Variants in RSU1 observed in about 807,000 individuals in gnomAD.
The protein encoded by RSU1 is Ras suppressor protein 1.
A neutral mutation model predicts 31.1 loss-of-function variants in RSU1; 26 were observed. The observed-to-expected ratio is 0.84, with a 90% CI of 0.61 to 1.16. RSU1 has a LOEUF of 1.16. Among genes scored for constraint, RSU1 ranks in the 50% most tolerant of loss-of-function variants. RSU1 has a pLI of 0.00. For missense variants in RSU1, 320 were observed against 339.1 expected, an observed-to-expected ratio of 0.94 and a Z score of 0.44; for synonymous variants, 164 against 136.3, an observed-to-expected ratio of 1.20 and a Z score of -1.41.
At chr10:16,678,627 A>G (rs1156672347) in intron 8 of RSU1, among the ~76,000 whole-genome samples, 1 of 152,234 alleles carries the variant, frequency 6.6e-6, no homozygotes, top group African/African-American at 2.4e-5. Flanking sequence ...ATGGGGAAGT[A>G]AAAACTTCCT....
At chr10:16,805,093 C>G (rs1323616414) in intron 2 of RSU1, among the ~76,000 whole-genome samples, 1 of 151,962 alleles carries the variant, frequency 6.6e-6, no homozygotes, top group African/African-American at 2.4e-5. Context: ...CCCAGCTACT[C>G]GGGAGGCTGA....
In RSU1 at chr10:16,765,858, C is replaced by G. The variant is rs372999830; in HGVS notation, c.161-1348G>C. 4.6e-5 allele frequency among the ~76,000 whole-genome samples: 7 copies of G among 152,176 alleles called. No individual in the cohort carries two copies. In the East Asian group the frequency reaches 5.8e-4, roughly 13 times the overall value. On this transcript the variant is annotated intron_variant, in intron 3 of 8. Coordinates refer to ENST00000345264, the MANE Select transcript of RSU1 (RefSeq NM_012425.4). ...GACCAACCTGCTTCCTGCAGTCAGA[C>G]CTAAACTCAGACCCGGGAGCACCTG...
intron 8 of RSU1, among the ~76,000 whole-genome samples, chr10:16,612,405 A>G (rs552959739): frequency 7.9e-5 from 12 of 152,308 alleles, no homozygotes; most frequent in African/African-American, 2.9e-4. Context: ...GACAATCACC[A>G]AGATTCTGCC....
chr10:16,609,386 A>T (rs1833857753), intron 8 of RSU1, among the ~76,000 whole-genome samples: 1 of 152,192 alleles, frequency 6.6e-6, no homozygotes, highest in Non-Finnish European at 1.5e-5. Flanking sequence ...GGGAGGGAAG[A>T]GCCGAAGCTT....
intron 2 of RSU1, among the ~76,000 whole-genome samples, chr10:16,804,835 G>C (rs1222013981): frequency 2.6e-5 from 4 of 152,146 alleles, no homozygotes; most frequent in Admixed American, 2.0e-4. Flanking sequence ...ATGAGGGAGA[G>C]GGGATGAAGA....
intron 8 of RSU1, among the ~76,000 whole-genome samples, chr10:16,659,432 A>G (rs1834849133): frequency 1.3e-5 from 2 of 150,220 alleles, no homozygotes. Flanking sequence ...GTACTTCAGG[A>G]TCTGGTTTCA....
chr10:16,630,000 T>A (rs1198814126), intron 8 of RSU1, among the ~76,000 whole-genome samples: 2 of 152,220 alleles, frequency 1.3e-5, no homozygotes, highest in Admixed American at 6.5e-5. Context: ...AAATGACTAT[T>A]AAAAAATCCC....
chr10:16,788,150 G>C (rs550441553), intron 2 of RSU1, among the ~76,000 whole-genome samples: 5 of 152,190 alleles, frequency 3.3e-5, no homozygotes, highest in African/African-American at 1.2e-4. Flanking sequence ...ATTCATAGAT[G>C]TATCAGTTAA....
rs930214853 is a variant in RSU1 at position 16,710,831 on chromosome 10, G to A, written c.599-15676C>T. On this transcript the variant is annotated intron_variant, in intron 7 of 8. Transcript: ENST00000345264. Reference sequence around the variant, plus strand: ...TCCCTCCTCTTACCCCCTACCCGCCGACAGGTCCCAGTGTGTAATGCTCCC... The same window carrying A: ...TCCCTCCTCTTACCCCCTACCCGCCAACAGGTCCCAGTGTGTAATGCTCCC... Among the ~76,000 whole-genome samples the A allele has an allele frequency of 6.6e-5, 10 of 152,022 alleles. No homozygotes were observed. The East Asian group carries it at 9.7e-4, about 15-fold the overall frequency.
chr10:16,714,293 G>A (rs567752309), intron 7 of RSU1, among the ~76,000 whole-genome samples: 2 of 152,312 alleles, frequency 1.3e-5, no homozygotes, highest in Non-Finnish European at 2.9e-5. Context: ...CTGTCTAGAG[G>A]AGCAGGTCCA....
intron 3 of RSU1, among the ~76,000 whole-genome samples, chr10:16,775,248 C>T (rs764900763): frequency 2.0e-5 from 3 of 152,140 alleles, no homozygotes; most frequent in Non-Finnish European, 2.9e-5. Context: ...GACATTCTAT[C>T]ATCAATAGCA....
chr10:16,786,568 C>T (rs1837796030), intron 2 of RSU1, among the ~76,000 whole-genome samples: 1 of 152,078 alleles, frequency 6.6e-6, no homozygotes, highest in East Asian at 1.9e-4. Flanking sequence ...AGTCAGGTAC[C>T]CTCGGCCCCT....
intron 7 of RSU1, among the ~76,000 whole-genome samples, chr10:16,739,179 C>T (rs1836699721): frequency 6.6e-6 from 1 of 152,200 alleles, no homozygotes; most frequent in African/African-American, 2.4e-5. Flanking sequence ...CATACATGCA[C>T]ATGTATCTTC....
At position 16,789,630 on chromosome 10, in the gene RSU1, G is replaced by A. The variant is rs548747797; in HGVS notation, c.110-7546C>T. ...GAATGGGTTATTTAAAAGTACAAAAGCTGCCCCCGTTGAACGTGTCGGGAA... is the reference window on the plus strand; with the variant it reads ...GAATGGGTTATTTAAAAGTACAAAAACTGCCCCCGTTGAACGTGTCGGGAA... On this transcript the variant is annotated intron_variant, in intron 2 of 8. Coordinates refer to ENST00000345264, the MANE Select transcript of RSU1 (RefSeq NM_012425.4). 1.1e-4 allele frequency among the ~76,000 whole-genome samples: 17 copies of A among 152,300 alleles called. 2 individuals carry two copies. The South Asian group carries it at 3.5e-3, about 32-fold the overall frequency.
At chr10:16,779,664 A>T (rs77113952) in intron 3 of RSU1, among the ~76,000 whole-genome samples, 3,545 of 152,258 alleles carry the variant, frequency 0.023, 139 homozygotes, top group African/African-American at 0.081. Context: ...CTGTGGTTTT[A>T]ATGTGGCGTT....
intron 3 of RSU1, among the ~76,000 whole-genome samples, chr10:16,771,477 G>A (rs1030354255): frequency 6.6e-6 from 1 of 152,150 alleles, no homozygotes; most frequent in Admixed American, 6.5e-5. Flanking sequence ...GTGGTGTCTA[G>A]ACTAATTACA....
chr10:16,609,475 C>T (rs1438134941), intron 8 of RSU1, among the ~76,000 whole-genome samples: 11 of 152,194 alleles, frequency 7.2e-5, no homozygotes, highest in Non-Finnish European at 1.5e-4. Context: ...CTGGAAGGTG[C>T]TAGAGCATGC....
chr10:16,656,658 A>G (rs1436503246), intron 8 of RSU1, among the ~76,000 whole-genome samples: 1 of 152,248 alleles, frequency 6.6e-6, no homozygotes, highest in African/African-American at 2.4e-5. Context: ...GCATATGCAC[A>G]ATCATGTATG....
At chr10:16,671,022 T>C (rs1412914960) in intron 8 of RSU1, among the ~76,000 whole-genome samples, 1 of 152,172 alleles carries the variant, frequency 6.6e-6, no homozygotes, top group Admixed American at 6.5e-5. Context: ...TGCCTCGGCT[T>C]CCCAAAATAC....
Sources: allele counts gnomAD v4.1 joint callset (sites outside exome capture counted in the v4.1 genomes callset), GRCh38; gene constraint gnomAD v4.1.1; transcripts MANE v1.5; gene names NCBI Gene and HGNC (gene_info 2026-07-23, HGNC 2026-07-21).